Variants in SPG7 observed in about 807,000 individuals in gnomAD.
SPG7 encodes the protein mitochondrial inner membrane m-AAA protease component paraplegin.
Under a neutral mutation model 81.9 loss-of-function variants are expected in SPG7, and 103 were observed. The observed-to-expected ratio is 1.26, with a 90% CI of 1.07 to 1.48. The LOEUF (loss-of-function observed/expected upper bound fraction) is 1.48, where lower values mean the gene tolerates loss of function less well. Ranked by LOEUF, SPG7 falls within the 40% of genes most tolerant of loss-of-function variation. The pLI is 0.00. For missense variants in SPG7, 1,241 were observed against 1,087.3 expected, an observed-to-expected ratio of 1.14 and a Z score of -1.99; for synonymous variants, 534 against 444.2, an observed-to-expected ratio of 1.20 and a Z score of -2.54.
At chr16:89,547,852 A>T in intron 11 of SPG7, 151 bp from the exon 12 acceptor site, 1 of 705,566 alleles carries the variant, frequency 1.4e-6, no homozygotes, top group Non-Finnish European at 2.6e-6. Context: ...ACCTCAGGTG[A>T]TCTGCCCACC....
chr16:89,509,209 C>T (rs2057978258), intron 1 of SPG7, among the ~76,000 whole-genome samples: 1 of 152,214 alleles, frequency 6.6e-6, no homozygotes, highest in South Asian at 2.1e-4. Flanking sequence ...ATGTTTTTTT[C>T]TCCTAGCCCT....
chr16:89,548,208 C>T, intron 12 of SPG7, 95 bp downstream of exon 12: 1 of 836,832 alleles, frequency 1.2e-6, no homozygotes. Context: ...TGGATGGAAC[C>T]ATCACACAGG....
Position 89,554,468 on chromosome 16 carries a change from A to C in SPG7, c.2104-18A>C. 1.3e-6 allele frequency: 2 copies of C among 1,592,236 alleles called. No homozygotes were observed. The highest frequency in any genetic ancestry group is 1.7e-6 in the Non-Finnish European group (2 of 1,166,568). ...AGGCGGCCAGCCTTGCCCCTGACAC[A>C]GTTCCCTCCACTCACAGGAAGCAAG... On this transcript the variant is annotated intron_variant, in intron 15 of 16. Coordinates refer to ENST00000645818, the MANE Select transcript of SPG7 (RefSeq NM_003119.4).
Position 89,532,570 on chromosome 16 carries a change from A to C in SPG7, c.1258A>C (p.Thr420Pro). Residue 420 changes from threonine (T) to proline (P), a missense_variant, in exon 9 of 17, where the codon ACC becomes CCC. Transcript: ENST00000645818. ...CGCGGTGGGCAAGAAGCGCTCCACC[A>C]CCATGTCCGGCTTCTCCAACACGGA... ...IDAVGKKRST[T>P]MSGFSNTEEE... 1.9e-6 allele frequency: 3 copies of C among 1,613,774 alleles called. No individual in the cohort carries two copies. Among genetic ancestry groups the C allele is most frequent in the Non-Finnish European group, 2.5e-6 (3 of 1,180,026 alleles).
chr16:89,535,823 T>G (rs533520498), intron 9 of SPG7, among the ~76,000 whole-genome samples: 1 of 151,366 alleles, frequency 6.6e-6, no homozygotes, highest in Non-Finnish European at 1.5e-5. Flanking sequence ...TTATGTGGCC[T>G]CTCTGGTGCT....
chr16:89,508,773 G>A (rs1442327283), intron 1 of SPG7, 173 bp downstream of exon 1: 4 of 785,790 alleles, frequency 5.1e-6, no homozygotes, highest in Non-Finnish European at 8.6e-6. Context: ...TGGGGCCCTG[G>A]ATCGTGGGCG....
chr16:89,508,442 C>G lies in SPG7; in HGVS notation c.25C>G (p.Arg9Gly). The G allele has an allele frequency of 6.7e-7, 1 of 1,501,938 alleles. No homozygotes were observed. Among genetic ancestry groups the G allele is most frequent in the Non-Finnish European group, 8.8e-7 (1 of 1,132,592 alleles). 93.0% of individuals were successfully genotyped at this position (1,501,938 alleles called of 1,614,324 possible). MAVLLLLL[R>G]ALRRGPGPGP... ...CATGGCCGTGCTGCTGCTGCTGCTC[C>G]GTGCCCTCCGCCGGGGTCCAGGCCC... is the stretch of plus-strand genomic sequence containing the variant. The change falls in exon 1 of 17, where the codon CGT (arginine) becomes GGT (glycine). Residue 9 changes from arginine to glycine, a missense_variant. Transcript: ENST00000645818.
At position 89,531,790 on chromosome 16, in the gene SPG7, C is replaced by G. The variant is rs796893745; in HGVS notation, c.988-114C>G. On this transcript the variant is annotated intron_variant, in intron 7 of 16. Transcript: ENST00000645818. ...CCCAGGAGTTTGAGGCTGCAGTGAG[C>G]TATCATGGCACCCACTGCACTCCAG... The G allele has an allele frequency of 4.9e-6, 5 of 1,011,696 alleles. No individual in the cohort carries two copies. In the African/African-American group the frequency reaches 6.3e-5, roughly 13 times the overall value. 62.7% of individuals were successfully genotyped at this position (1,011,696 alleles called of 1,614,324 possible). A position where few individuals can be genotyped will look rare whatever the true frequency, so the allele number is the denominator to read the frequency against.
In SPG7 at chr16:89,553,084, G is replaced by A. The variant is rs949436339; in HGVS notation, c.1885G>A (p.Ala629Thr). Reference sequence around the variant, plus strand: ...GCAGCTGTTTGAGCGGATGTGCATGGCCCTGGGAGGACGGGCCTCGGAAGC... The same window carrying A: ...GCAGCTGTTTGAGCGGATGTGCATGACCCTGGGAGGACGGGCCTCGGAAGC... The part of the protein sequence containing the change: ...KEQLFERMCM[A>T]LGGRASEALS... The change falls in exon 14 of 17, where the codon GCC (alanine) becomes ACC (threonine). Residue 629 changes from alanine to threonine, a missense_variant. By Grantham distance (58) the Ala-to-Thr change is moderately conservative (BLOSUM62 0). Transcript: ENST00000645818. The A allele has an allele frequency of 3.1e-6, 5 of 1,613,582 alleles. No individual in the cohort carries two copies. In the African/African-American group the frequency reaches 5.3e-5, roughly 17 times the overall value.
At chr16:89,549,133 C>T (rs888915772) in intron 12 of SPG7, 3 of 456,480 alleles carry the variant, frequency 6.6e-6, no homozygotes, top group Non-Finnish European at 1.3e-5. Flanking sequence ...AATTTATTTT[C>T]GTGTAACCAT....
Position 89,541,288 on chromosome 16 carries a change from T to C in SPG7, c.1325-3360T>C, listed in dbSNP as rs893995952. The C allele has an allele frequency of 3.0e-6, 3 of 985,384 alleles. No homozygotes were observed. In the African/African-American group the frequency reaches 5.2e-5, roughly 17 times the overall value. The allele number at this position is 985,384 out of a possible 1,614,324, so 61.0% of individuals were successfully genotyped here. Reference sequence around the variant, plus strand: ...TGAAACTGGTGTATCCTTATCATGGTGTTCTATGCAGCAGTAGAAGGAAAC... The same window carrying C: ...TGAAACTGGTGTATCCTTATCATGGCGTTCTATGCAGCAGTAGAAGGAAAC... On this transcript the variant is annotated intron_variant, in intron 9 of 16. Coordinates refer to ENST00000645818, the MANE Select transcript of SPG7 (RefSeq NM_003119.4).
At chr16:89,515,640 C>T (rs1421243236) in intron 3 of SPG7, among the ~76,000 whole-genome samples, 1 of 149,936 alleles carries the variant, frequency 6.7e-6, no homozygotes, top group African/African-American at 2.4e-5. Flanking sequence ...TTTGGGAGGC[C>T]AAGGTGGGAT....
chr16:89,512,152 C>A (rs1597603349), intron 2 of SPG7, among the ~76,000 whole-genome samples: 1 of 152,098 alleles, frequency 6.6e-6, no homozygotes, highest in African/African-American at 2.4e-5. Context: ...ACCTCGTGAT[C>A]CACCCGACTC....
intron 3 of SPG7, chr16:89,517,217 G>A (rs566065076): frequency 2.5e-5 from 3 of 119,954 alleles, no homozygotes; most frequent in Non-Finnish European, 5.6e-5. Context: ...AACCAGGGAC[G>A]TGTGCCCCAC....
At position 89,508,563 on chromosome 16, in the gene SPG7, C is replaced by CG; in HGVS notation, c.151dup (p.Asp51GlyfsTer23). On this transcript the variant is annotated frameshift_variant, in exon 1 of 17. Coordinates refer to ENST00000645818, the MANE Select transcript of SPG7 (RefSeq NM_003119.4). LOFTEE classifies it high-confidence loss of function. Reference sequence around the variant, plus strand: ...CGGCCGTACATGGCCAGCAGGCCTCCGGGGGACCTCGCCGAGGCTGGAGGC... The same window carrying CG: ...CGGCCGTACATGGCCAGCAGGCCTCCGGGGGGACCTCGCCGAGGCTGGAGGC... 6.7e-7 allele frequency: 1 copy of CG among 1,495,172 alleles called. No homozygotes were observed. The allele number at this position is 1,495,172 out of a possible 1,614,324, so 92.6% of individuals were successfully genotyped here. A position where few individuals can be genotyped will look rare whatever the true frequency, so the allele number is the denominator to read the frequency against.
rs2058699253 is a variant in SPG7 at position 89,557,451 on chromosome 16, C to G, written c.*358C>G. 3.2e-6 allele frequency: 1 copy of G among 316,006 alleles called. No homozygotes were observed. Among genetic ancestry groups the G allele is most frequent in the Non-Finnish European group, 6.1e-6 (1 of 164,740 alleles). 19.6% of individuals were successfully genotyped at this position (316,006 alleles called of 1,614,324 possible). On this transcript the variant is annotated 3_prime_UTR_variant, in exon 17 of 17. Coordinates refer to ENST00000645818, the MANE Select transcript of SPG7 (RefSeq NM_003119.4). ...GACTCCAAACAGACCCCTGTTCATG[C>G]CGACGCTTGCACGACCGCCCCAGTT...
intron 9 of SPG7, chr16:89,539,543 TC>T (rs1225218201): frequency 2.6e-5 from 4 of 152,156 alleles, no homozygotes; most frequent in Admixed American, 6.5e-5. Context: ...TATTCCTAGA[TC>T]CTAAAGATTT....
chr16:89,556,980 G>T lies in SPG7; in HGVS notation c.2275G>T (p.Ala759Ser), dbSNP rs140769107. 6.2e-7 allele frequency: 1 copy of T among 1,613,846 alleles called. No individual in the cohort carries two copies. The highest frequency in any genetic ancestry group is 8.5e-7 in the Non-Finnish European group (1 of 1,179,846). ...GCCCCATGGGCCGAAGAAAATGATC[G>T]CACCGCAGAGGTGGATCGACGCCCA... ...PPPHGPKKMIAPQRWIDAQRE... is the reference protein window; with the variant it reads ...PPPHGPKKMISPQRWIDAQRE... Residue 759 changes from alanine (A) to serine (S), a missense_variant, in exon 17 of 17, where the codon GCA (alanine) becomes TCA (serine). Coordinates refer to ENST00000645818, the MANE Select transcript of SPG7 (RefSeq NM_003119.4).
intron 10 of SPG7, 124 bp from the exon 11 acceptor site, chr16:89,546,534 C>T (rs1374368126): frequency 5.1e-6 from 4 of 785,056 alleles, no homozygotes; most frequent in Non-Finnish European, 9.3e-6. Flanking sequence ...AAAACTCAGG[C>T]ATGATGGCAC....
Sources: allele counts gnomAD v4.1 joint callset (sites outside exome capture counted in the v4.1 genomes callset), GRCh38; gene constraint gnomAD v4.1.1; transcripts MANE v1.5; gene names NCBI Gene and HGNC (gene_info 2026-07-23, HGNC 2026-07-21).